Variants in AXIN1 observed in about 807,000 individuals in gnomAD.
The protein encoded by AXIN1 is axin-1.
Under a neutral mutation model 76.4 loss-of-function variants are expected in AXIN1, and 30 were observed. The observed-to-expected ratio is 0.39, with a 90% CI of 0.29 to 0.53. The LOEUF (loss-of-function observed/expected upper bound fraction) is 0.53, where lower values mean the gene tolerates loss of function less well. Ranked by LOEUF, AXIN1 falls within the 20% of genes least tolerant of loss-of-function variation. The pLI is 0.66. For missense variants in AXIN1, 1,140 were observed against 1,198.8 expected (o/e 0.95, Z 0.72); for synonymous variants, 545 against 501.4 (o/e 1.09, Z -1.16).
At chr16:314,810 A>C in intron 2 of AXIN1, 127 bp from the exon 3 acceptor site, 1 of 1,404,208 alleles carries the variant, frequency 7.1e-7, no homozygotes, top group South Asian at 1.2e-5. Context: ...GGAGAAAATA[A>C]GGAGCATGGA....
At chr16:302,174 G>A (rs1164509093) in intron 5 of AXIN1, among the ~76,000 whole-genome samples, 4 of 152,230 alleles carry the variant, frequency 2.6e-5, no homozygotes, top group South Asian at 4.1e-4. Flanking sequence ...CAGGGACCAC[G>A]CGGCACTGAT....
At position 293,526 on chromosome 16, in the gene AXIN1, C is replaced by T; in HGVS notation, c.2148G>A (p.Glu716=). The change falls in exon 8 of 11, where the codon GAG becomes GAA. Residue 716 remains glutamate, a synonymous_variant. Transcript: ENST00000262320. This position sits in a 1 kb window ranked among gnomAD's most constrained non-coding sequence, Gnocchi z 4.6. The part of the protein sequence containing the change: ...QLEEARRRLE[E]EEKRASRAPS... Reference sequence around the variant, plus strand: ...GTGCTCGGCTGGCTCTCTTTTCTTCCTCCTCCAGACGTCGGCGCGCCTCCT... The same window carrying T: ...GTGCTCGGCTGGCTCTCTTTTCTTCTTCCTCCAGACGTCGGCGCGCCTCCT... 2 of 1,610,788 alleles carry T rather than the reference C, an allele frequency of 1.2e-6. No individual in the cohort carries two copies. Among genetic ancestry groups the T allele is most frequent in the Non-Finnish European group, 8.5e-7 (1 of 1,179,992 alleles).
intron 8 of AXIN1, 34 bp from the exon 9 acceptor site, chr16:291,331 C>G (rs762859338): frequency 1.3e-6 from 2 of 1,527,356 alleles, no homozygotes; most frequent in South Asian, 2.4e-5. Context: ...GTGGCTGTGC[C>G]GGCGGCCACC....
At chr16:311,027 G>A (rs765086722) in intron 3 of AXIN1, among the ~76,000 whole-genome samples, 25 of 152,256 alleles carry the variant, frequency 1.6e-4, no homozygotes, top group Admixed American at 3.3e-4. Flanking sequence ...TTAGCAACAG[G>A]TTTTCTTTTA....
intron 2 of AXIN1, among the ~76,000 whole-genome samples, chr16:338,007 C>T (rs527612724): frequency 5.9e-5 from 9 of 152,216 alleles, no homozygotes; most frequent in South Asian, 2.1e-4. Context: ...AGATGTGACA[C>T]GGGGAAAAAC....
At chr16:306,149 A>G (rs2044505012) in intron 4 of AXIN1, among the ~76,000 whole-genome samples, 1 of 152,120 alleles carries the variant, frequency 6.6e-6, no homozygotes, top group Non-Finnish European at 1.5e-5. Context: ...ATGCGCAGGC[A>G]CACACACCCA....
chr16:347,971 A>G (rs1365598095), intron 1 of AXIN1, among the ~76,000 whole-genome samples: 1 of 152,226 alleles, frequency 6.6e-6, no homozygotes, highest in Admixed American at 6.5e-5. Context: ...TGCAAATACA[A>G]TTTTTAGCTA....
At chr16:320,739 ATATAT>A (rs1351431570) in intron 2 of AXIN1, among the ~76,000 whole-genome samples, 7 of 91,992 alleles carry the variant, frequency 7.6e-5, no homozygotes, top group East Asian at 2.3e-4. Context: ...ATATATATAT[ATATAT>A]TTTTTTTTTT....
At position 314,552 on chromosome 16, in the gene AXIN1, T is replaced by G. The variant is rs2141592465; in HGVS notation, c.1010A>C (p.Asp337Ala). The G allele has an allele frequency of 6.2e-7, 1 of 1,613,792 alleles. No individual in the cohort carries two copies. The highest frequency in any genetic ancestry group is 8.5e-7 in the Non-Finnish European group (1 of 1,179,884). ...CCGGGGCGGGACTTACACGCTGCTG[T>G]CCGTGAGGGACAGGGTGTCTGCATC... ...SSDADTLSLT[D>A]SSVDGIPPYR... The change falls in exon 3 of 11, where the codon GAC becomes GCC. Residue 337 changes from aspartate (D) to alanine (A), a missense_variant. Asp to Ala is a moderately radical substitution (Grantham distance 126, BLOSUM62 -2). Transcript: ENST00000262320.
chr16:304,176 G>A (rs892213991), intron 5 of AXIN1, 128 bp downstream of exon 5: 83 of 1,486,890 alleles, frequency 5.6e-5, no homozygotes, highest in Non-Finnish European at 7.0e-5. Context: ...GGACTCAGCC[G>A]GGAGGCCTCA....
In AXIN1 at chr16:287,979, C is replaced by G; in HGVS notation, c.*143G>C. On this transcript the variant is annotated 3_prime_UTR_variant, in exon 11 of 11. Transcript: ENST00000262320. ...ACTTGGAGGGACCCCCTACCTGCCT[C>G]TAGACACGGGTAGACCACAGGGATG... 7.0e-7 allele frequency: 1 copy of G among 1,436,410 alleles called. No individual in the cohort carries two copies. Among genetic ancestry groups the G allele is most frequent in the Non-Finnish European group, 9.7e-7 (1 of 1,036,000 alleles). The allele number at this position is 1,436,410 out of a possible 1,614,324, so 89.0% of individuals were successfully genotyped here.
At position 297,726 on chromosome 16, in the gene AXIN1, G is replaced by A. The variant is rs2141508170; in HGVS notation, c.1780C>T (p.His594Tyr). The part of the protein sequence containing the change: ...AAPNASDGLA[H>Y]SGKVGVACKR... The stretch of plus-strand genomic sequence containing the variant: ...CACTGACAGGCGCACGCTCACCTGT[G>A]GGCGAGGCCATCACTGGCGTTGGGG... The change falls in exon 6 of 11, where the codon CAC becomes TAC. Residue 594 changes from histidine to tyrosine, a missense_variant. His to Tyr is a moderately conservative substitution (Grantham distance 83). Coordinates refer to ENST00000262320, the MANE Select transcript of AXIN1 (RefSeq NM_003502.4). The A allele has an allele frequency of 1.3e-6, 2 of 1,597,620 alleles. No homozygotes were observed. The highest frequency in any genetic ancestry group is 1.3e-5 in the African/African-American group (1 of 74,882).
chr16:341,884 T>C (rs2053930830), intron 2 of AXIN1, among the ~76,000 whole-genome samples: 1 of 152,212 alleles, frequency 6.6e-6, no homozygotes, highest in Admixed American at 6.5e-5. Context: ...GGTGGGGACT[T>C]GGAGAACCTT....
chr16:333,917 T>A (rs184949715), intron 2 of AXIN1, among the ~76,000 whole-genome samples: 8 of 148,372 alleles, frequency 5.4e-5, no homozygotes, highest in African/African-American at 1.0e-4. Flanking sequence ...AGCATGCCCA[T>A]AACACAGCAC....
At chr16:316,360 A>G (rs2053301947) in intron 2 of AXIN1, among the ~76,000 whole-genome samples, 1 of 152,258 alleles carries the variant, frequency 6.6e-6, no homozygotes, top group South Asian at 2.1e-4. Context: ...CTTGTCCTCA[A>G]TAATTTTAAG....
rs2141701209 is a variant in AXIN1 at position 346,262 on chromosome 16, T to A, written c.764A>T (p.Glu255Val). 2 of 1,614,220 alleles carry A rather than the reference T, an allele frequency of 1.2e-6. No individual in the cohort carries two copies. Residue 255 changes from glutamate to valine, a missense_variant, in exon 2 of 11, where the codon GAG (glutamate) becomes GTG (valine). Coordinates refer to ENST00000262320, the MANE Select transcript of AXIN1 (RefSeq NM_003502.4). ...GGGAGCAGCGTCTCTGCCATCGTCC[T>A]CATCCATGTCCTGGTCACACTTCCA... is the stretch of plus-strand genomic sequence containing the variant. ...EEWKCDQDMD[E>V]DDGRDAAPPG... is the part of the protein sequence containing the mutation.
At chr16:316,521 G>A (rs901329065) in intron 2 of AXIN1, among the ~76,000 whole-genome samples, 4 of 152,196 alleles carry the variant, frequency 2.6e-5, no homozygotes, top group Non-Finnish European at 4.4e-5. Context: ...TCCTTCTAGC[G>A]GCTGCCCCCA....
At chr16:295,919 A>G (rs199564626) in intron 7 of AXIN1, among the ~76,000 whole-genome samples, 40 of 152,112 alleles carry the variant, frequency 2.6e-4, no homozygotes, top group Non-Finnish European at 5.0e-4. Context: ...GTTAGCCAAG[A>G]TTGCACCACT....
intron 3 of AXIN1, among the ~76,000 whole-genome samples, chr16:311,954 CACT>C (rs1208810506): frequency 1.3e-5 from 2 of 152,176 alleles, no homozygotes; most frequent in East Asian, 3.9e-4. Flanking sequence ...GTCACAGCAC[CACT>C]GAGTGTTGTG....
Sources: gnomAD v4.1 joint callset for allele counts (sites outside exome capture counted in the v4.1 genomes callset) on GRCh38, gnomAD v4.1.1 for gene constraint, Gnocchi (gnomAD v3.1) non-coding constraint, MANE v1.5 for transcripts, NCBI Gene and HGNC (gene_info 2026-07-23, HGNC 2026-07-21) for gene names.